LRRC1: variants seen among roughly 807,000 people sequenced by gnomAD.
LRRC1 encodes the protein leucine-rich repeat-containing protein 1.
Under a neutral mutation model 69.9 loss-of-function variants are expected in LRRC1, and 28 were observed. The ratio of observed to expected loss-of-function variants is 0.40; its 90% CI spans 0.30 to 0.55. The LOEUF (loss-of-function observed/expected upper bound fraction) is 0.55. LRRC1 is among the 20% of genes least tolerant of loss of function. The pLI is 0.47. For missense variants in LRRC1, 498 were observed against 609.0 expected, an observed-to-expected ratio of 0.82 and a Z score of 1.92; for synonymous variants, 236 against 240.2, an observed-to-expected ratio of 0.98 and a Z score of 0.16.
At chr6:53,920,557 CAAA>C in intron 12 of LRRC1, 65 bp from the exon 13 acceptor site, 1 of 1,592,126 alleles carries the variant, frequency 6.3e-7, no homozygotes, top group South Asian at 1.1e-5. Context: ...TTGTCAGCCG[CAAA>C]GTTCATAGCA....
rs183582352 is a variant in LRRC1 at position 53,917,065 on chromosome 6, A to G, written c.1107-2433A>G. On this transcript the variant is annotated intron_variant, in intron 11 of 13. Coordinates refer to ENST00000370888, the MANE Select transcript of LRRC1 (RefSeq NM_018214.5). ...GTTTATTCTGTAGTGTACAGAAGGT[A>G]CCAGAATAAACCAAAAATGTATTAT... Among the ~76,000 whole-genome samples, 293 of 152,332 alleles carry G rather than the reference A, an allele frequency of 1.9e-3. 1 individual carries two copies. The highest frequency in any genetic ancestry group is 6.6e-3 in the African/African-American group (275 of 41,578).
intron 2 of LRRC1, among the ~76,000 whole-genome samples, chr6:53,877,831 C>T (rs1165955819): frequency 6.6e-6 from 1 of 152,210 alleles, no homozygotes; most frequent in Admixed American, 6.5e-5. Flanking sequence ...CTTCTGAGCC[C>T]TCCAGACTGC....
chr6:53,852,035 A>G (rs1388835410), intron 2 of LRRC1, among the ~76,000 whole-genome samples: 1 of 152,186 alleles, frequency 6.6e-6, no homozygotes, highest in Non-Finnish European at 1.5e-5. Context: ...ACTTTAGGCA[A>G]TATGTCATCA....
chr6:53,858,109 G>A (rs761625015), intron 2 of LRRC1, among the ~76,000 whole-genome samples: 2 of 152,162 alleles, frequency 1.3e-5, no homozygotes, highest in Non-Finnish European at 2.9e-5. Context: ...GAGTCTGGTC[G>A]TTGGCCATGG....
intron 2 of LRRC1, among the ~76,000 whole-genome samples, chr6:53,845,984 G>A (rs1765930990): frequency 6.6e-6 from 1 of 152,202 alleles, no homozygotes; most frequent in Admixed American, 6.5e-5. Context: ...GCCATTCCTT[G>A]TTAAAGGGTA....
chr6:53,839,493 C>T (rs903807930), intron 1 of LRRC1, among the ~76,000 whole-genome samples: 4 of 152,140 alleles, frequency 2.6e-5, no homozygotes, highest in Non-Finnish European at 4.4e-5. Flanking sequence ...TTTAGTGTGA[C>T]AGTGAAAAAC....
chr6:53,901,541 G>T (rs1241392381), intron 8 of LRRC1, among the ~76,000 whole-genome samples: 1 of 150,756 alleles, frequency 6.6e-6, no homozygotes, highest in African/African-American at 2.4e-5. Flanking sequence ...GTGAGGCCCT[G>T]TCTCTTAAAA....
chr6:53,839,498 A>G (rs999431318), intron 1 of LRRC1, among the ~76,000 whole-genome samples: 3 of 152,206 alleles, frequency 2.0e-5, no homozygotes, highest in Non-Finnish European at 4.4e-5. Context: ...TGTGACAGTG[A>G]AAAACAGCAG....
chr6:53,843,922 G>T (rs1282465754), intron 2 of LRRC1, among the ~76,000 whole-genome samples: 2 of 152,154 alleles, frequency 1.3e-5, no homozygotes, highest in African/African-American at 4.8e-5. Flanking sequence ...AGTGAAGAGT[G>T]GTTGACCCAA....
intron 1 of LRRC1, among the ~76,000 whole-genome samples, chr6:53,831,679 G>A (rs2127412677): frequency 6.6e-6 from 1 of 152,234 alleles, no homozygotes. Flanking sequence ...CTTACAATTT[G>A]TATGCACTCA....
At chr6:53,891,815 A>T (rs1053589660) in intron 4 of LRRC1, among the ~76,000 whole-genome samples, 1 of 151,934 alleles carries the variant, frequency 6.6e-6, no homozygotes, top group African/African-American at 2.4e-5. Context: ...GGTCTGGTGA[A>T]ACCCCATCTC....
At chr6:53,891,554 A>T (rs1322066443) in intron 4 of LRRC1, among the ~76,000 whole-genome samples, 1 of 151,988 alleles carries the variant, frequency 6.6e-6, no homozygotes, top group East Asian at 1.9e-4. Flanking sequence ...GACTATATAC[A>T]TTCACACCTA....
At chr6:53,834,268 T>C (rs756397785) in intron 1 of LRRC1, among the ~76,000 whole-genome samples, 1 of 152,242 alleles carries the variant, frequency 6.6e-6, no homozygotes, top group Non-Finnish European at 1.5e-5. Flanking sequence ...TTCTTGCATG[T>C]CTACTCTCTC....
chr6:53,911,421 T>C (rs1768404797), intron 10 of LRRC1, among the ~76,000 whole-genome samples: 1 of 152,180 alleles, frequency 6.6e-6, no homozygotes, highest in African/African-American at 2.4e-5. Flanking sequence ...CAGGTTGGTG[T>C]GGTGGGAGGG....
chr6:53,798,439 C>T (rs947770696), intron 1 of LRRC1, among the ~76,000 whole-genome samples: 1 of 152,210 alleles, frequency 6.6e-6, no homozygotes, highest in Non-Finnish European at 1.5e-5. Context: ...AGTGCAGTGG[C>T]ACGATCTCCA....
intron 1 of LRRC1, among the ~76,000 whole-genome samples, chr6:53,796,373 C>T (rs1764302882): frequency 6.6e-6 from 1 of 152,110 alleles, no homozygotes; most frequent in Non-Finnish European, 1.5e-5. Context: ...GTGTCTCAAA[C>T]CCAGGTGTGT....
At chr6:53,900,020 GTTTTTTTTTTTTTTTTT>G (rs869246243) in intron 8 of LRRC1, 129 bp downstream of exon 8, 17 of 190,424 alleles carry the variant, frequency 8.9e-5, no homozygotes, top group South Asian at 1.3e-4. Context: ...TCTCCTTACT[GTTTTTTTTTTTTTTTTT>G]TTTTTTTTTT....
intron 2 of LRRC1, among the ~76,000 whole-genome samples, chr6:53,867,898 A>G (rs1046025620): frequency 1.6e-4 from 24 of 151,184 alleles, no homozygotes; most frequent in African/African-American, 5.8e-4. Context: ...GGCTGCAGTG[A>G]GCCAAGATTG....
intron 4 of LRRC1, among the ~76,000 whole-genome samples, chr6:53,886,959 C>T (rs1767505461): frequency 2.0e-5 from 3 of 152,208 alleles, no homozygotes; most frequent in Non-Finnish European, 2.9e-5. Flanking sequence ...CTCTTTGTGT[C>T]TGTACCTACC....
Sources: gnomAD v4.1 joint callset for allele counts (sites outside exome capture counted in the v4.1 genomes callset) on GRCh38, gnomAD v4.1.1 for gene constraint, MANE v1.5 for transcripts, NCBI Gene and HGNC (gene_info 2026-07-23, HGNC 2026-07-21) for gene names.